The following PRKCZ variants were observed in gnomAD, a reference collection of about 807,000 sequenced individuals.
PRKCZ encodes protein kinase C zeta type.
Under a neutral mutation model 79.5 loss-of-function variants are expected in PRKCZ, and 33 were observed. That is an observed-to-expected ratio of 0.41 (90% CI 0.31 to 0.55). The LOEUF is 0.55. Among genes scored for constraint, PRKCZ ranks in the 20% least tolerant of loss-of-function variants. The probability of loss-of-function intolerance (pLI) is 0.19; values close to 1 mark genes in which losing one functional copy is unlikely to be tolerated. For missense variants in PRKCZ, 578 were observed against 813.5 expected, an observed-to-expected ratio of 0.71 and a Z score of 3.52; for synonymous variants, 342 against 320.9, an observed-to-expected ratio of 1.07 and a Z score of -0.70.
intron 4 of PRKCZ, among the ~76,000 whole-genome samples, chr1:2,126,200 A>C (rs1673849399): frequency 6.6e-6 from 1 of 152,066 alleles, no homozygotes; most frequent in African/African-American, 2.4e-5. Flanking sequence ...CAGCTTCCTC[A>C]ATGGGAAACT....
intron 10 of PRKCZ, chr1:2,169,145 C>T (rs1168001203): frequency 6.5e-6 from 3 of 459,104 alleles, no homozygotes; most frequent in African/African-American, 2.0e-5. Flanking sequence ...GAAACTGCCT[C>T]GCTCCAGCCC....
intron 4 of PRKCZ, among the ~76,000 whole-genome samples, chr1:2,097,112 G>A (rs758139540): frequency 6.6e-6 from 1 of 152,248 alleles, no homozygotes; most frequent in Non-Finnish European, 1.5e-5. Flanking sequence ...GAGAGGCCTG[G>A]AGATACCAGG....
In PRKCZ at chr1:2,157,891, C is replaced by T. The variant is rs148839727; in HGVS notation, c.974+1799C>T. ...CGTGTAGGGAACTGTTTGCAGTTCA[C>T]GTTCCCAGCCCCAGCTCCGGGCCAG... On this transcript the variant is annotated intron_variant, in intron 10 of 17. Coordinates refer to ENST00000378567, the MANE Select transcript of PRKCZ (RefSeq NM_002744.6). Among the ~76,000 whole-genome samples, 518 of 151,992 alleles carry T rather than the reference C, an allele frequency of 3.4e-3. 4 individuals carry two copies. Among genetic ancestry groups the T allele is most frequent in the African/African-American group, 0.012 (489 of 41,446 alleles).
At chr1:2,126,895 C>G (rs946992012) in intron 4 of PRKCZ, among the ~76,000 whole-genome samples, 5 of 152,254 alleles carry the variant, frequency 3.3e-5, no homozygotes, top group African/African-American at 1.2e-4. Context: ...ATCACTGACA[C>G]CCTGATACCC....
intron 3 of PRKCZ, among the ~76,000 whole-genome samples, chr1:2,057,737 G>C (rs564811842): frequency 1.5e-3 from 223 of 152,186 alleles, no homozygotes; most frequent in South Asian, 0.014. Context: ...ACAGAGTCTG[G>C]CTCTGTCCCC....
intron 4 of PRKCZ, among the ~76,000 whole-genome samples, chr1:2,132,275 C>G (rs942004170): frequency 6.6e-6 from 1 of 152,218 alleles, no homozygotes; most frequent in Non-Finnish European, 1.5e-5. Context: ...GTTGGACGCC[C>G]ACACATCGGT....
chr1:2,147,751 C>CTAT (rs1678932552), intron 7 of PRKCZ, among the ~76,000 whole-genome samples: 4 of 98,428 alleles, frequency 4.1e-5, no homozygotes, highest in Middle Eastern at 7.8e-3. Context: ...TATCCATCCA[C>CTAT]TGTCCACTGA....
intron 7 of PRKCZ, among the ~76,000 whole-genome samples, chr1:2,148,520 C>G (rs945379423): frequency 1.3e-5 from 2 of 152,274 alleles, no homozygotes; most frequent in Non-Finnish European, 2.9e-5. Context: ...ATCCAGGCCT[C>G]CATTCATCCC....
At chr1:2,181,607 G>A (rs149005843) in intron 16 of PRKCZ, among the ~76,000 whole-genome samples, 7 of 152,296 alleles carry the variant, frequency 4.6e-5, no homozygotes, top group African/African-American at 1.4e-4. Flanking sequence ...AGCAAGAGGA[G>A]GAGGTAACGC....
At chr1:2,122,537 T>C (rs867024171) in intron 4 of PRKCZ, among the ~76,000 whole-genome samples, 2 of 14,802 alleles carry the variant, frequency 1.4e-4, no homozygotes, top group Admixed American at 8.7e-4. Context: ...AGGGTCATGG[T>C]GGTGGTTAGG....
intron 4 of PRKCZ, among the ~76,000 whole-genome samples, chr1:2,110,762 G>A (rs919172515): frequency 3.3e-5 from 5 of 152,210 alleles, no homozygotes; most frequent in African/African-American, 4.8e-5. Context: ...TGGGAGCAGC[G>A]GAGTGAAGGG....
intron 5 of PRKCZ, among the ~76,000 whole-genome samples, chr1:2,138,352 G>A (rs1676645377): frequency 6.6e-6 from 1 of 152,180 alleles, no homozygotes; most frequent in Admixed American, 6.5e-5. Flanking sequence ...GTTCAGTGGG[G>A]GAGCCAAAGG....
chr1:2,114,348 A>G lies in PRKCZ; in HGVS notation c.335-20914A>G, dbSNP rs1302052815. Reference sequence around the variant, plus strand: ...GATGACTTATTTTGTTGGACAAAAAAGGAATATGGTGGACATTAATTCTTA... The same window carrying G: ...GATGACTTATTTTGTTGGACAAAAAGGGAATATGGTGGACATTAATTCTTA... On this transcript the variant is annotated intron_variant, in intron 4 of 17. Coordinates refer to ENST00000378567, the MANE Select transcript of PRKCZ (RefSeq NM_002744.6). Among the ~76,000 whole-genome samples the G allele has an allele frequency of 3.3e-5, 5 of 152,268 alleles. No homozygotes were observed. The East Asian group carries it at 7.7e-4, about 23-fold the overall frequency.
In PRKCZ at chr1:2,175,377, C is replaced by T; in HGVS notation, c.1575+64C>T. 3 of 1,355,910 alleles carry T rather than the reference C, an allele frequency of 2.2e-6. No individual in the cohort carries two copies. In the Admixed American group the frequency reaches 6.0e-5, roughly 27 times the overall value. The allele number at this position is 1,355,910 out of a possible 1,614,324, so 84.0% of individuals were successfully genotyped here. A position where few individuals can be genotyped will look rare whatever the true frequency, so the allele number is the denominator to read the frequency against. ...TCCCAACCCCAAATCTACCCAACCC[C>T]CATCCCAACCCCAACCCCAATATTC... is the stretch of plus-strand genomic sequence containing the variant. On this transcript the variant is annotated intron_variant, in intron 16 of 17. Transcript: ENST00000378567.
intron 4 of PRKCZ, among the ~76,000 whole-genome samples, chr1:2,083,145 C>T (rs1229749147): frequency 6.6e-6 from 1 of 152,158 alleles, no homozygotes; most frequent in Non-Finnish European, 1.5e-5. Flanking sequence ...GTTCGGTTCA[C>T]TGGGTGGAGC....
Position 2,094,593 on chromosome 1 carries a change from C to T in PRKCZ, c.334+35002C>T, listed in dbSNP as rs1269542995. 2.3e-5 allele frequency among the ~76,000 whole-genome samples: 2 copies of T among 87,714 alleles called. No individual in the cohort carries two copies. The highest frequency in any genetic ancestry group is 1.4e-4 in the African/African-American group (2 of 13,840). 57.5% of individuals were successfully genotyped at this position (87,714 alleles called of 152,430 possible). A position where few individuals can be genotyped will look rare whatever the true frequency, so the allele number is the denominator to read the frequency against. On this transcript the variant is annotated intron_variant, in intron 4 of 17. Coordinates refer to ENST00000378567, the MANE Select transcript of PRKCZ (RefSeq NM_002744.6). This position sits in a 1 kb window ranked among gnomAD's most constrained non-coding sequence, Gnocchi z 7.3. Reference sequence around the variant, plus strand: ...TGGGCGCTGCCCGTTCTGAGGCGCCCGCTGTGCCCGGCTCGATGAACCTTG... The same window carrying T: ...TGGGCGCTGCCCGTTCTGAGGCGCCTGCTGTGCCCGGCTCGATGAACCTTG...
At chr1:2,070,811 G>T (rs1183229818) in intron 4 of PRKCZ, among the ~76,000 whole-genome samples, 4 of 151,194 alleles carry the variant, frequency 2.6e-5, no homozygotes, top group Non-Finnish European at 5.9e-5. Flanking sequence ...GGCTGCGGGG[G>T]CCGGGGTGGG....
At chr1:2,069,917 A>G (rs1661429149) in intron 4 of PRKCZ, among the ~76,000 whole-genome samples, 1 of 152,104 alleles carries the variant, frequency 6.6e-6, no homozygotes, top group African/African-American at 2.4e-5. Context: ...GTCAGGCCCC[A>G]TTGGCCTCCC....
At chr1:2,083,237 C>T (rs553705858) in intron 4 of PRKCZ, among the ~76,000 whole-genome samples, 55 of 152,144 alleles carry the variant, frequency 3.6e-4, no homozygotes, top group African/African-American at 1.2e-3. Flanking sequence ...CATGTCTGGA[C>T]GGAATTACTC....
Sources: gnomAD v4.1 joint callset for allele counts (sites outside exome capture counted in the v4.1 genomes callset) on GRCh38, gnomAD v4.1.1 for gene constraint, Gnocchi (gnomAD v3.1) non-coding constraint, MANE v1.5 for transcripts, NCBI Gene and HGNC (gene_info 2026-07-23, HGNC 2026-07-21) for gene names.